ZFAND3: variants seen among roughly 807,000 people sequenced by gnomAD.
ZFAND3 encodes the protein zinc finger AN1-type containing 3.
In ZFAND3, 10 loss-of-function variants were observed where a neutral mutation model predicts 29.6. That is an observed-to-expected ratio of 0.34 (90% CI 0.21 to 0.57). ZFAND3 has a LOEUF of 0.57. Ranked by LOEUF, ZFAND3 falls within the 20% of genes least tolerant of loss-of-function variation. ZFAND3 has a pLI of 0.86. For missense variants in ZFAND3, 230 were observed against 304.5 expected, an observed-to-expected ratio of 0.76 and a Z score of 1.82; for synonymous variants, 128 against 112.6, an observed-to-expected ratio of 1.14 and a Z score of -0.87.
chr6:37,973,024 A>G (rs1444824599), intron 2 of ZFAND3, among the ~76,000 whole-genome samples: 3 of 152,042 alleles, frequency 2.0e-5, no homozygotes, highest in Non-Finnish European at 4.4e-5. Flanking sequence ...CCCTCCCTCG[A>G]GTTCATTTGT....
intron 3 of ZFAND3, among the ~76,000 whole-genome samples, chr6:38,061,976 A>G (rs759504440): frequency 3.9e-5 from 6 of 152,240 alleles, no homozygotes; most frequent in Non-Finnish European, 7.3e-5. Flanking sequence ...GTCAAAGTAC[A>G]TGAAGTTTGA....
intron 2 of ZFAND3, among the ~76,000 whole-genome samples, chr6:38,009,924 G>A (rs1398133846): frequency 1.3e-5 from 2 of 152,094 alleles, no homozygotes; most frequent in Non-Finnish European, 2.9e-5. Context: ...ATTTGTGGAC[G>A]GTGGGGGCGC....
chr6:37,822,228 A>G (rs138486942), intron 1 of ZFAND3, among the ~76,000 whole-genome samples: 78 of 152,370 alleles, frequency 5.1e-4, no homozygotes, highest in African/African-American at 1.8e-3. Flanking sequence ...TACTTGACCT[A>G]TAAGCAACCA....
chr6:37,849,610 A>G (rs1764246480), intron 1 of ZFAND3, among the ~76,000 whole-genome samples: 1 of 152,078 alleles, frequency 6.6e-6, no homozygotes, highest in African/African-American at 2.4e-5. Flanking sequence ...GGGTTTCACC[A>G]TATTGACCAG....
rs1467137151 is a variant in ZFAND3, at chr6:37,879,138, TG to T, written c.72-50819del. 2.0e-5 allele frequency among the ~76,000 whole-genome samples: 3 copies of T among 152,210 alleles called. 1 individual carries two copies. The highest frequency in any genetic ancestry group is 2.9e-5 in the Non-Finnish European group (2 of 68,036). On this transcript the variant is annotated intron_variant, in intron 1 of 5. Coordinates refer to ENST00000287218, the MANE Select transcript of ZFAND3 (RefSeq NM_021943.3). ...AAACCCCTGTGACATGTGTAACTGT[TG>T]GTTTTATGTTCCTTACAAAGTATAC...
At chr6:37,895,459 C>CTTTTTTTTTT (rs11331881) in intron 1 of ZFAND3, among the ~76,000 whole-genome samples, 10 of 76,762 alleles carry the variant, frequency 1.3e-4, no homozygotes, top group African/African-American at 1.6e-4. Context: ...CTCAGAGGTT[C>CTTTTTTTTTT]TTTTTTTTTT....
intron 3 of ZFAND3, among the ~76,000 whole-genome samples, chr6:38,081,106 T>G (rs554798711): frequency 3.9e-5 from 6 of 152,196 alleles, no homozygotes; most frequent in Non-Finnish European, 8.8e-5. Context: ...ACTTTCTATC[T>G]AGCTATTTAT....
rs1763766777 is a variant in ZFAND3 at position 37,826,697 on chromosome 6, G to A, written c.71+6681G>A. Reference sequence around the variant, plus strand: ...GAATCCAGGAGGCAGAGATTGTAGTGAGCTGAGATTGTGCCACTGTACTCC... The same window carrying A: ...GAATCCAGGAGGCAGAGATTGTAGTAAGCTGAGATTGTGCCACTGTACTCC... On this transcript the variant is annotated intron_variant, in intron 1 of 5. Transcript: ENST00000287218. Among the ~76,000 whole-genome samples, 3 of 151,610 alleles carry A rather than the reference G, an allele frequency of 2.0e-5. No homozygotes were observed. The South Asian group carries it at 6.3e-4, about 32-fold the overall frequency.
At chr6:38,040,336 A>T (rs1314107164) in intron 2 of ZFAND3, among the ~76,000 whole-genome samples, 1 of 152,198 alleles carries the variant, frequency 6.6e-6, no homozygotes, top group Non-Finnish European at 1.5e-5. Flanking sequence ...TATACAGCTC[A>T]GTATTTTTCT....
chr6:37,880,237 A>G (rs1292495107), intron 1 of ZFAND3, among the ~76,000 whole-genome samples: 1 of 152,240 alleles, frequency 6.6e-6, no homozygotes, highest in Non-Finnish European at 1.5e-5. Context: ...TTAGAAATAA[A>G]CTTTACAGTA....
intron 2 of ZFAND3, among the ~76,000 whole-genome samples, chr6:38,013,173 A>G (rs1763189767): frequency 6.6e-6 from 1 of 152,220 alleles, no homozygotes; most frequent in African/African-American, 2.4e-5. Context: ...TACATTGATT[A>G]GTATATACAA....
chr6:38,049,628 G>T (rs556222259), intron 2 of ZFAND3, among the ~76,000 whole-genome samples: 1 of 152,128 alleles, frequency 6.6e-6, no homozygotes, highest in Non-Finnish European at 1.5e-5. Flanking sequence ...TTTAGGAATT[G>T]TGAATTATAT....
At chr6:37,947,693 A>G (rs1761926828) in intron 2 of ZFAND3, among the ~76,000 whole-genome samples, 1 of 151,778 alleles carries the variant, frequency 6.6e-6, no homozygotes, top group Non-Finnish European at 1.5e-5. Context: ...TATGATTAAT[A>G]TACATATATT....
At chr6:38,127,904 C>A (rs1034860451) in intron 5 of ZFAND3, among the ~76,000 whole-genome samples, 6 of 152,182 alleles carry the variant, frequency 3.9e-5, no homozygotes, top group Non-Finnish European at 7.3e-5. Flanking sequence ...CACTGTACCT[C>A]CCTGTCACTT....
At chr6:37,891,410 T>G (rs1765095589) in intron 1 of ZFAND3, among the ~76,000 whole-genome samples, 1 of 130,840 alleles carries the variant, frequency 7.6e-6, no homozygotes, top group African/African-American at 3.4e-5. Context: ...TAGTTGGAGA[T>G]TTCAGTCCCC....
chr6:38,134,616 T>TAAAA (rs1765805733), intron 5 of ZFAND3, among the ~76,000 whole-genome samples: 1 of 152,192 alleles, frequency 6.6e-6, no homozygotes, highest in South Asian at 2.1e-4. Context: ...CCTTTATTTA[T>TAAAA]TAGATGAGAT....
At chr6:38,098,881 A>G (rs1417251981) in intron 4 of ZFAND3, among the ~76,000 whole-genome samples, 1 of 151,880 alleles carries the variant, frequency 6.6e-6, no homozygotes, top group East Asian at 1.9e-4. Context: ...ATACATATAT[A>G]TATGTGGTTT....
Position 37,973,269 on chromosome 6 carries a change from C to G in ZFAND3, c.112+43270C>G, listed in dbSNP as rs560382476. Among the ~76,000 whole-genome samples, 15 of 152,274 alleles carry G rather than the reference C, an allele frequency of 9.9e-5. No homozygotes were observed. In the South Asian group the frequency reaches 2.7e-3, roughly 27 times the overall value. ...TTTATGGGATTAAAAAAATTCTATG[C>G]TCCATTCTAGGTTGATAGTATTTGA... On this transcript the variant is annotated intron_variant, in intron 2 of 5. Coordinates refer to ENST00000287218, the MANE Select transcript of ZFAND3 (RefSeq NM_021943.3).
intron 1 of ZFAND3, among the ~76,000 whole-genome samples, chr6:37,879,891 A>T (rs555492874): frequency 2.0e-5 from 3 of 152,238 alleles, no homozygotes; most frequent in African/African-American, 7.2e-5. Flanking sequence ...TGCGTTATAG[A>T]CTCTGCATGG....
Sources: gnomAD v4.1 joint callset for allele counts (sites outside exome capture counted in the v4.1 genomes callset) on GRCh38, gnomAD v4.1.1 for gene constraint, MANE v1.5 for transcripts, NCBI Gene and HGNC (gene_info 2026-07-23, HGNC 2026-07-21) for gene names.